OR2L13: variants seen among roughly 807,000 people sequenced by gnomAD.
The protein encoded by OR2L13 is olfactory receptor family 2 subfamily L member 13.
Under a neutral mutation model 15.3 loss-of-function variants are expected in OR2L13, and 14 were observed. The observed-to-expected ratio is 0.91, with a 90% CI of 0.60 to 1.43. The LOEUF is 1.43. Ranked by LOEUF, OR2L13 falls within the 40% of genes most tolerant of loss-of-function variation. The pLI, the probability that OR2L13 is intolerant of heterozygous loss-of-function variation, is 0.00. For missense variants in OR2L13, 367 were observed against 387.9 expected, an observed-to-expected ratio of 0.95 and a Z score of 0.45; for synonymous variants, 152 against 142.9, an observed-to-expected ratio of 1.06 and a Z score of -0.45.
the OR2L13 span, among the ~76,000 whole-genome samples, chr1:248,064,954 G>A: frequency 6.6e-6 from 1 of 152,210 alleles, no homozygotes; most frequent in East Asian, 1.9e-4. Flanking sequence ...CGTCCCCACT[G>A]ACATAGTATC....
upstream of OR2L13, among the ~76,000 whole-genome samples, chr1:248,092,485 A>G (rs1364440131): frequency 6.6e-6 from 1 of 152,166 alleles, no homozygotes; most frequent in African/African-American, 2.4e-5. Context: ...TAAGAATATA[A>G]CTGAACAGCA....
chr1:247,975,368 C>A, the OR2L13 span: 1 of 605,598 alleles, frequency 1.7e-6, no homozygotes, highest in Non-Finnish European at 3.1e-6. Flanking sequence ...ATTGCATGTT[C>A]CTATGGTGAG....
chr1:248,051,135 C>T, the OR2L13 span: 2 of 152,210 alleles, frequency 1.3e-5, no homozygotes, highest in Admixed American at 6.5e-5. Context: ...CCAACTAACA[C>T]TTTGTTTTTG....
At chr1:248,009,473 G>A in the OR2L13 span, among the ~76,000 whole-genome samples, 1 of 152,114 alleles carries the variant, frequency 6.6e-6, no homozygotes, top group African/African-American at 2.4e-5. Flanking sequence ...TCTAAACCAG[G>A]AAGAAGTCAA....
chr1:248,088,880 A>G, the OR2L13 span, among the ~76,000 whole-genome samples: 1 of 152,202 alleles, frequency 6.6e-6, no homozygotes, highest in African/African-American at 2.4e-5. Context: ...CAAAACAAAA[A>G]TAATGAATTT....
chr1:248,024,928 T>A, the OR2L13 span, among the ~76,000 whole-genome samples: 1 of 152,338 alleles, frequency 6.6e-6, no homozygotes, highest in Non-Finnish European at 1.5e-5. Context: ...AGGTAGTTTT[T>A]TCCAATTCTG....
At chr1:247,990,666 C>T in the OR2L13 span, 4 of 1,526,542 alleles carry the variant, frequency 2.6e-6, no homozygotes, top group Non-Finnish European at 3.6e-6. Flanking sequence ...ACTATCCCAT[C>T]CGTATGAGAA....
At chr1:247,995,757 C>T in the OR2L13 span, among the ~76,000 whole-genome samples, 392 of 152,176 alleles carry the variant, frequency 2.6e-3, 2 homozygotes, top group African/African-American at 8.6e-3. Context: ...ACATCATGTC[C>T]TTCTGTTGCC....
chr1:248,086,086 G>A, the OR2L13 span, among the ~76,000 whole-genome samples: 1 of 152,066 alleles, frequency 6.6e-6, no homozygotes, highest in African/African-American at 2.4e-5. Flanking sequence ...AAGCCATAGT[G>A]CATATTGACA....
At chr1:248,003,093 C>T in the OR2L13 span, 2 of 992,208 alleles carry the variant, frequency 2.0e-6, no homozygotes, top group African/African-American at 1.5e-5. Flanking sequence ...TCTTAACTTA[C>T]TCGTGTCTCC....
the OR2L13 span, among the ~76,000 whole-genome samples, chr1:247,955,751 A>G: frequency 6.6e-6 from 1 of 151,796 alleles, no homozygotes; most frequent in Non-Finnish European, 1.5e-5. Context: ...TCTTTTGAGA[A>G]GTGTCCGTTC....
chr1:248,070,909 T>G, the OR2L13 span, among the ~76,000 whole-genome samples: 1 of 152,094 alleles, frequency 6.6e-6, no homozygotes, highest in Non-Finnish European at 1.5e-5. Context: ...ACATACACCC[T>G]CCCAAGACTA....
At chr1:248,080,088 G>A in the OR2L13 span, among the ~76,000 whole-genome samples, 2 of 151,938 alleles carry the variant, frequency 1.3e-5, no homozygotes, top group Admixed American at 6.6e-5. Context: ...ACAAAAGGAA[G>A]ACATAAAGGG....
the OR2L13 span, among the ~76,000 whole-genome samples, chr1:248,015,931 A>C: frequency 6.6e-6 from 1 of 152,198 alleles, no homozygotes; most frequent in African/African-American, 2.4e-5. Flanking sequence ...GAGTGCCCCA[A>C]GGGAAAACTG....
upstream of OR2L13, among the ~76,000 whole-genome samples, chr1:248,090,608 G>T (rs1229314375): frequency 1.3e-5 from 2 of 152,130 alleles, no homozygotes; most frequent in Non-Finnish European, 2.9e-5. Context: ...TGCTGCAAAG[G>T]ACATTATCTC....
chr1:248,083,769 T>C, the OR2L13 span: 5 of 1,613,852 alleles, frequency 3.1e-6, no homozygotes, highest in African/African-American at 2.7e-5. Context: ...GAACATACTA[T>C]AGAAGGCTGA....
the OR2L13 span, chr1:248,040,633 C>A: frequency 6.6e-6 from 1 of 152,218 alleles, no homozygotes; most frequent in East Asian, 1.9e-4. Context: ...ATAAGATATT[C>A]TTTTTTAGCT....
chr1:248,003,092 A>G, the OR2L13 span: 1 of 978,406 alleles, frequency 1.0e-6, no homozygotes, highest in East Asian at 2.4e-5. Context: ...GTCTTAACTT[A>G]CTCGTGTCTC....
chr1:248,003,802 C>T, the OR2L13 span: 1 of 1,613,750 alleles, frequency 6.2e-7, no homozygotes, highest in Non-Finnish European at 8.5e-7. Flanking sequence ...TCCTTGCTGT[C>T]TACCACATGA....
Sources: allele counts gnomAD v4.1 joint callset (sites outside exome capture counted in the v4.1 genomes callset), GRCh38; gene constraint gnomAD v4.1.1; transcripts MANE v1.5; gene names NCBI Gene and HGNC (gene_info 2026-07-23, HGNC 2026-07-21).